The following KIAA0825 variants were observed in gnomAD, a reference collection of about 807,000 sequenced individuals.
KIAA0825 encodes the protein uncharacterized protein KIAA0825.
A neutral mutation model predicts 147.6 loss-of-function variants in KIAA0825; 119 were observed. The ratio of observed to expected loss-of-function variants is 0.81; its 90% CI spans 0.69 to 0.94. KIAA0825 has a LOEUF of 0.94. KIAA0825 is among the 40% of genes least tolerant of loss of function. KIAA0825 has a pLI of 0.00. For missense variants in KIAA0825, 1,381 were observed against 1,472.7 expected (o/e 0.94, Z 1.02); for synonymous variants, 470 against 518.1 (o/e 0.91, Z 1.26).
At position 94,275,325 on chromosome 5, in the gene KIAA0825, T is replaced by C. The variant is rs138122407; in HGVS notation, c.3710+109043A>G. On this transcript the variant is annotated intron_variant, in intron 20 of 20. Coordinates refer to ENST00000682413, the MANE Select transcript of KIAA0825 (RefSeq NM_001145678.3). ...CCCCAGAAGGAGGTGATCTTTGCAA[T>C]GGATATCAAAGGAAGGGTAGGATCT... Among the ~76,000 whole-genome samples the C allele has an allele frequency of 2.0e-4, 30 of 152,242 alleles. No homozygotes were observed. In the East Asian group the frequency reaches 5.8e-3, roughly 29 times the overall value.
intron 1 of KIAA0825, among the ~76,000 whole-genome samples, chr5:94,611,316 T>A (rs1308060341): frequency 2.6e-5 from 4 of 152,166 alleles, no homozygotes; most frequent in Non-Finnish European, 5.9e-5. Flanking sequence ...TCGTGTATGA[T>A]AGTTAATCTA....
At chr5:94,441,118 G>C (rs1356703813) in intron 13 of KIAA0825, among the ~76,000 whole-genome samples, 1 of 152,080 alleles carries the variant, frequency 6.6e-6, no homozygotes, top group Admixed American at 6.6e-5. Context: ...ATTATCATTA[G>C]CAGATGCAAT....
chr5:94,407,807 T>C (rs1752261079), intron 15 of KIAA0825, among the ~76,000 whole-genome samples: 1 of 152,220 alleles, frequency 6.6e-6, no homozygotes, highest in Non-Finnish European at 1.5e-5. Context: ...GTGATATTTT[T>C]ACACTTTAAA....
chr5:94,459,768 A>T (rs1212150847), intron 12 of KIAA0825, among the ~76,000 whole-genome samples: 1 of 152,114 alleles, frequency 6.6e-6, no homozygotes, highest in African/African-American at 2.4e-5. Context: ...GCTTTCAAAA[A>T]GTTTCTACTA....
intron 20 of KIAA0825, among the ~76,000 whole-genome samples, chr5:94,289,196 T>C (rs1477727175): frequency 6.6e-6 from 1 of 152,164 alleles, no homozygotes; most frequent in Non-Finnish European, 1.5e-5. Context: ...CTAAAAATAA[T>C]ACTACAGAAG....
chr5:94,482,215 A>C (rs901270090), intron 6 of KIAA0825, among the ~76,000 whole-genome samples: 14 of 152,202 alleles, frequency 9.2e-5, no homozygotes, highest in Non-Finnish European at 1.6e-4. Flanking sequence ...GAGAACGGCC[A>C]ATTTGGCTAA....
At chr5:94,300,461 A>G (rs1160093888) in intron 20 of KIAA0825, among the ~76,000 whole-genome samples, 2 of 152,124 alleles carry the variant, frequency 1.3e-5, no homozygotes, top group African/African-American at 2.4e-5. Context: ...TTAAGAAATG[A>G]TGAGTCTTTG....
intron 6 of KIAA0825, among the ~76,000 whole-genome samples, chr5:94,481,671 T>A (rs1338508688): frequency 6.6e-6 from 1 of 152,040 alleles, no homozygotes; most frequent in African/African-American, 2.4e-5. Flanking sequence ...TTACCTTAAC[T>A]ACATACGCCT....
intron 3 of KIAA0825, among the ~76,000 whole-genome samples, chr5:94,530,136 T>C (rs1770478548): frequency 6.6e-6 from 1 of 151,918 alleles, no homozygotes; most frequent in Non-Finnish European, 1.5e-5. Flanking sequence ...CCAGGTGTGC[T>C]GGCACATACC....
At chr5:94,253,264 A>G (rs1010204502) in intron 20 of KIAA0825, among the ~76,000 whole-genome samples, 3 of 152,142 alleles carry the variant, frequency 2.0e-5, no homozygotes, top group African/African-American at 7.2e-5. Context: ...CTAGATAAAG[A>G]TATTTAAGCT....
At chr5:94,194,371 G>A (rs1258204001) in intron 20 of KIAA0825, among the ~76,000 whole-genome samples, 1 of 152,046 alleles carries the variant, frequency 6.6e-6, no homozygotes, top group Non-Finnish European at 1.5e-5. Flanking sequence ...CCTTGGGTAT[G>A]CTTTCTCCCC....
chr5:94,160,677 C>CTATATACATGTATGTATATTTAA (rs1767489899), intron 20 of KIAA0825, among the ~76,000 whole-genome samples: 1 of 148,404 alleles, frequency 6.7e-6, no homozygotes, highest in African/African-American at 2.5e-5. Context: ...TGTATATTTA[C>CTATATACATGTATGTATATTTAA]TATATACATG....
intron 5 of KIAA0825, among the ~76,000 whole-genome samples, chr5:94,513,035 T>C (rs1766725574): frequency 6.6e-6 from 1 of 152,158 alleles, no homozygotes; most frequent in Non-Finnish European, 1.5e-5. Context: ...GAACATAAAT[T>C]TCTGACAACA....
intron 2 of KIAA0825, among the ~76,000 whole-genome samples, chr5:94,560,596 A>C (rs79553249): frequency 0.013 from 1,978 of 152,344 alleles, 24 homozygotes; most frequent in Non-Finnish European, 0.021. Context: ...AATATTTACT[A>C]TCTGGCCTTT....
intron 5 of KIAA0825, among the ~76,000 whole-genome samples, chr5:94,512,291 C>T (rs533817385): frequency 6.6e-6 from 1 of 151,930 alleles, no homozygotes; most frequent in African/African-American, 2.4e-5. Context: ...AACTAGAAGT[C>T]ACATATCACT....
rs562624554 is a variant in KIAA0825, at chr5:94,226,170, C to A, written c.3711-72046G>T. On this transcript the variant is annotated intron_variant, in intron 20 of 20. Coordinates refer to ENST00000682413, the MANE Select transcript of KIAA0825 (RefSeq NM_001145678.3). ...AAGAACTTAAACAAATTTACAAGAA[C>A]AAAACAAAACAGCCCCATCAAAAAG... Among the ~76,000 whole-genome samples the A allele has an allele frequency of 7.2e-5, 11 of 151,890 alleles. No individual in the cohort carries two copies. In the East Asian group the frequency reaches 1.4e-3, roughly 19 times the overall value.
At chr5:94,159,003 C>A (rs1304161812) in intron 20 of KIAA0825, among the ~76,000 whole-genome samples, 1 of 152,138 alleles carries the variant, frequency 6.6e-6, no homozygotes, top group Non-Finnish European at 1.5e-5. Flanking sequence ...GGATAATTGT[C>A]CTCATCTAAT....
At chr5:94,306,405 TTTA>T (rs1778735368) in intron 20 of KIAA0825, among the ~76,000 whole-genome samples, 1 of 151,848 alleles carries the variant, frequency 6.6e-6, no homozygotes, top group South Asian at 2.1e-4. Context: ...GACAAAATGA[TTTA>T]GTATAATGAA....
At chr5:94,384,279 A>T in intron 20 of KIAA0825, 89 bp downstream of exon 20, 1 of 870,018 alleles carries the variant, frequency 1.1e-6, no homozygotes, top group Admixed American at 2.7e-5. Context: ...AAAGTATGCT[A>T]GTAAAATCTG....
Sources: gnomAD v4.1 joint callset for allele counts (sites outside exome capture counted in the v4.1 genomes callset) on GRCh38, gnomAD v4.1.1 for gene constraint, MANE v1.5 for transcripts, NCBI Gene and HGNC (gene_info 2026-07-23, HGNC 2026-07-21) for gene names.